Variants in TXNDC12 observed in about 807,000 individuals in gnomAD.
TXNDC12 encodes thioredoxin domain containing 12, also known as thioredoxin domain-containing protein 12.
A neutral mutation model predicts 24.2 loss-of-function variants in TXNDC12; 22 were observed. The observed-to-expected ratio is 0.91, with a 90% CI of 0.65 to 1.30. The LOEUF is 1.30. Among genes scored for constraint, TXNDC12 ranks in the 50% most tolerant of loss-of-function variants. TXNDC12 has a pLI of 0.00. For missense variants in TXNDC12, 184 were observed against 205.8 expected (o/e 0.89, Z 0.65); for synonymous variants, 58 against 73.4 (o/e 0.79, Z 1.07).
At chr1:52,030,925 ATTTG>A (rs1053710186) in intron 2 of TXNDC12, among the ~76,000 whole-genome samples, 1 of 152,192 alleles carries the variant, frequency 6.6e-6, no homozygotes, top group East Asian at 1.9e-4. Flanking sequence ...ATTCATGCTT[ATTTG>A]TTTACTTACC....
chr1:52,054,981 G>A lies in TXNDC12; in HGVS notation c.97+19C>T, dbSNP rs1210639113. The A allele has an allele frequency of 6.3e-7, 1 of 1,576,178 alleles. No homozygotes were observed. Among genetic ancestry groups the A allele is most frequent in the Admixed American group, 1.7e-5 (1 of 59,972 alleles). ...GTATAGTAAAGATCAGTAAAGAGAA[G>A]ATAAGAACGCGGTCTGACCCTTTCC... On this transcript the variant is annotated intron_variant, in intron 1 of 6. Coordinates refer to ENST00000371626, the MANE Select transcript of TXNDC12 (RefSeq NM_015913.4).
At chr1:52,032,415 C>A in intron 2 of TXNDC12, 1 of 1,183,588 alleles carries the variant, frequency 8.4e-7, no homozygotes. Flanking sequence ...CTGTGATAGC[C>A]CAAGTAGGAT....
At chr1:52,033,746 A>C (rs760112159) in intron 2 of TXNDC12, 5 of 1,602,040 alleles carry the variant, frequency 3.1e-6, no homozygotes, top group East Asian at 2.2e-5. Context: ...AGCCCGCAAA[A>C]CACCACGAGC....
chr1:52,037,706 TAA>T (rs1685911548), intron 2 of TXNDC12, among the ~76,000 whole-genome samples: 1 of 152,190 alleles, frequency 6.6e-6, no homozygotes, highest in Admixed American at 6.5e-5. Context: ...TTGCACAACC[TAA>T]ACACTGGCAG....
At chr1:52,055,699 C>A (rs1686329974), upstream of TXNDC12, 1 of 152,434 alleles carries the variant, frequency 6.6e-6, no homozygotes, top group South Asian at 2.1e-4. Context: ...CATGCACTTT[C>A]CCGCTGGAGA....
intron 2 of TXNDC12, among the ~76,000 whole-genome samples, chr1:52,030,724 G>A (rs938048901): frequency 4.6e-5 from 7 of 152,178 alleles, no homozygotes; most frequent in Non-Finnish European, 7.3e-5. Flanking sequence ...TCCTTCTAGA[G>A]CAGGGGTTGG....
intron 2 of TXNDC12, among the ~76,000 whole-genome samples, chr1:52,028,907 G>C (rs2809919): frequency 0.97 from 147,640 of 152,268 alleles, 71,722 homozygotes; most frequent in East Asian, 1. Flanking sequence ...GTGGGCAGAT[G>C]ACTTGAGGCC....
At chr1:52,050,242 A>G (rs1398012631) in intron 1 of TXNDC12, among the ~76,000 whole-genome samples, 2 of 152,198 alleles carry the variant, frequency 1.3e-5, no homozygotes, top group African/African-American at 4.8e-5. Flanking sequence ...AAGATGTTTA[A>G]AAGGTACAAT....
intron 1 of TXNDC12, among the ~76,000 whole-genome samples, chr1:52,046,111 G>C (rs2783182): frequency 1.3e-5 from 2 of 151,938 alleles, no homozygotes; most frequent in African/African-American, 4.8e-5. Flanking sequence ...TACTTGGGAG[G>C]CAGGGGCAGG....
intron 1 of TXNDC12, among the ~76,000 whole-genome samples, chr1:52,051,613 A>C (rs1052775258): frequency 6.6e-6 from 1 of 152,192 alleles, no homozygotes; most frequent in African/African-American, 2.4e-5. Flanking sequence ...TCCTGACCTC[A>C]GGTGATTGAC....
chr1:52,048,473 TAAA>T (rs57230386), intron 1 of TXNDC12, among the ~76,000 whole-genome samples: 9 of 118,766 alleles, frequency 7.6e-5, no homozygotes, highest in Admixed American at 1.7e-4. Flanking sequence ...TTCTTTTCTT[TAAA>T]AAAAAAAAAA....
Position 52,054,994 on chromosome 1 carries a change from T to C in TXNDC12, c.97+6A>G, listed in dbSNP as rs569122800. ...CAGTAAAGAGAAGATAAGAACGCGG[T>C]CTGACCCTTTCCAAGCCCATTATGT... is the stretch of plus-strand genomic sequence containing the variant. On this transcript the variant is annotated splice_donor_region_variant and intron_variant, in intron 1 of 6. Transcript: ENST00000371626. 2.5e-6 allele frequency: 4 copies of C among 1,608,562 alleles called. No individual in the cohort carries two copies. Among genetic ancestry groups the C allele is most frequent in the African/African-American group, 1.3e-5 (1 of 74,774 alleles).
At chr1:52,023,183 A>G (rs1306505527) in intron 6 of TXNDC12, 1 of 276,958 alleles carries the variant, frequency 3.6e-6, no homozygotes, top group Non-Finnish European at 6.9e-6. Flanking sequence ...GCTCAGTAGG[A>G]AAAAAACTAA....
At chr1:52,029,481 G>A (rs1685721031) in intron 2 of TXNDC12, among the ~76,000 whole-genome samples, 1 of 152,210 alleles carries the variant, frequency 6.6e-6, no homozygotes, top group African/African-American at 2.4e-5. Flanking sequence ...AGGCTCAAAT[G>A]ACAGTAGGAA....
At chr1:52,042,447 CCTATA>C (rs1182967300) in intron 1 of TXNDC12, among the ~76,000 whole-genome samples, 1 of 151,462 alleles carries the variant, frequency 6.6e-6, no homozygotes, top group African/African-American at 2.4e-5. Flanking sequence ...ATATATACAC[CCTATA>C]CTATACTTTC....
chr1:52,026,496 C>T (rs769893853), intron 4 of TXNDC12, among the ~76,000 whole-genome samples: 1 of 152,226 alleles, frequency 6.6e-6, no homozygotes, highest in South Asian at 2.1e-4. Flanking sequence ...AGTTGAATCA[C>T]ATTTTGCAGA....
intron 4 of TXNDC12, among the ~76,000 whole-genome samples, chr1:52,025,824 T>C (rs1685663843): frequency 7.2e-6 from 1 of 138,946 alleles, no homozygotes; most frequent in East Asian, 2.1e-4. Context: ...AAACATTATC[T>C]TTTTTTTTTT....
chr1:52,044,900 G>A (rs1686060464), intron 1 of TXNDC12, among the ~76,000 whole-genome samples: 1 of 151,912 alleles, frequency 6.6e-6, no homozygotes, highest in Admixed American at 6.6e-5. Flanking sequence ...GCTTGAACCT[G>A]GCAGGCAGAG....
chr1:52,039,201 T>C (rs1685941933), intron 2 of TXNDC12, among the ~76,000 whole-genome samples: 1 of 152,012 alleles, frequency 6.6e-6, no homozygotes, highest in Non-Finnish European at 1.5e-5. Context: ...TGTAATGTCA[T>C]GAGCATTCTC....
Sources: allele counts gnomAD v4.1 joint callset (sites outside exome capture counted in the v4.1 genomes callset), GRCh38; gene constraint gnomAD v4.1.1; transcripts MANE v1.5; gene names NCBI Gene and HGNC (gene_info 2026-07-23, HGNC 2026-07-21).